Variants in FER1L5 observed in about 807,000 individuals in gnomAD.
The protein encoded by FER1L5 is fer-1 like family member 5, also known as fer-1-like protein 5.
Under a neutral mutation model 279.9 loss-of-function variants are expected in FER1L5, and 187 were observed. The ratio of observed to expected loss-of-function variants is 0.67; its 90% CI spans 0.59 to 0.75. The LOEUF is 0.75. Among genes scored for constraint, FER1L5 ranks in the 30% least tolerant of loss-of-function variants. FER1L5 has a pLI of 0.00. For synonymous variants in FER1L5, 921 were observed against 989.7 expected (o/e 0.93, Z 1.30); for missense variants, 2,091 against 2,594.4 (o/e 0.81, Z 4.21).
rs1363449576 is a variant in FER1L5, at chr2:96,691,507, C to T, written c.2970C>T (p.Leu990=). 2 of 1,550,270 alleles carry T rather than the reference C, an allele frequency of 1.3e-6. No homozygotes were observed. Among genetic ancestry groups the T allele is most frequent in the Non-Finnish European group, 1.7e-6 (2 of 1,146,542 alleles). Residue 990 remains leucine, a synonymous_variant, in exon 29 of 53, where the codon CTC becomes CTT. Transcript: ENST00000624922. The surrounding 1 kb of genome is among the most constrained non-coding windows in gnomAD (Gnocchi z 6.0). ...ACACCTTCGGCTCCAAGTTCCACCT[C>T]AACCCTCAGCCCCAGAGCCGGTTCC... ...EYDTFGSKFH[L]NPQPQSRFRR... is the part of the protein sequence containing the mutation.
intron 12 of FER1L5, 106 bp from the exon 13 acceptor site, chr2:96,662,109 C>T (rs2075976839): frequency 8.7e-7 from 1 of 1,155,318 alleles, no homozygotes; most frequent in Non-Finnish European, 1.3e-6. Context: ...CCAGGGGGCA[C>T]CCCTCTAAAT....
Position 96,695,571 on chromosome 2 carries a change from C to G in FER1L5, c.3804C>G (p.Phe1268Leu). The change falls in exon 35 of 53, where the codon TTC becomes TTG. Residue 1268 changes from phenylalanine to leucine, a missense_variant. Phe to Leu is a conservative substitution (Grantham distance 22). Coordinates refer to ENST00000624922, the MANE Select transcript of FER1L5 (RefSeq NM_001293083.2). ...GCTCCCCCCAGCTCCTGGTGGAATT[C>G]GGGGAAGAGTCCCTGAGGACAGAAC... ...KASSPQLLVE[F>L]GEESLRTEPI... is the part of the protein sequence containing the mutation. The G allele has an allele frequency of 6.3e-7, 1 of 1,594,064 alleles. No individual in the cohort carries two copies. The highest frequency in any genetic ancestry group is 8.5e-7 in the Non-Finnish European group (1 of 1,170,660).
chr2:96,652,122 T>C, intron 7 of FER1L5, 102 bp downstream of exon 7: 1 of 1,482,400 alleles, frequency 6.7e-7, no homozygotes, highest in South Asian at 1.2e-5. Flanking sequence ...TCTTCATGTG[T>C]TTGTTCCACA....
chr2:96,652,076 GT>G, intron 7 of FER1L5, 56 bp downstream of exon 7: 3 of 1,549,218 alleles, frequency 1.9e-6, no homozygotes, highest in Non-Finnish European at 2.6e-6. Flanking sequence ...GGCATCCCCG[GT>G]GGGCAGCCGG....
Position 96,668,905 on chromosome 2 carries a change from G to A in FER1L5, c.1204G>A (p.Asp402Asn). 1 of 1,551,670 alleles carries A rather than the reference G, an allele frequency of 6.4e-7. No homozygotes were observed. The highest frequency in any genetic ancestry group is 1.2e-5 in the South Asian group (1 of 84,064). The stretch of plus-strand genomic sequence containing the variant: ...CTCTAGCCGCAAGAAGGACTGCCCG[G>A]ATGAGATTGGGACTGCCAGCCTGTC... ...VLDCRKKDCP[D>N]EIGTASLSLN... Residue 402 changes from aspartate (D) to asparagine (N), a missense_variant, in exon 16 of 53, where the codon GAT (aspartate) becomes AAT (asparagine). By Grantham distance (23) the Asp-to-Asn change is conservative. Transcript: ENST00000624922.
At chr2:96,648,257 G>A (rs1475918476) in intron 4 of FER1L5, among the ~76,000 whole-genome samples, 1 of 152,224 alleles carries the variant, frequency 6.6e-6, no homozygotes, top group Non-Finnish European at 1.5e-5. Flanking sequence ...AGGAGGTCAT[G>A]GACAGATTTA....
rs551119699 is a variant in FER1L5, at chr2:96,695,841, G to A, written c.3994G>A (p.Asp1332Asn). The A allele has an allele frequency of 3.0e-5, 49 of 1,613,458 alleles. No individual in the cohort carries two copies. Among genetic ancestry groups the A allele is most frequent in the African/African-American group, 4.0e-5 (3 of 75,060 alleles). Residue 1332 changes from aspartate (D) to asparagine (N), a missense_variant, in exon 36 of 53, where the codon GAC (aspartate) becomes AAC (asparagine). Physicochemically the swap from Asp to Asn is conservative, Grantham distance 23. Transcript: ENST00000624922. ...QQTVTGQANIDFLQPYFCDPW... is the reference protein window; with the variant it reads ...QQTVTGQANINFLQPYFCDPW... ...GACCGTGACGGGCCAGGCCAACATC[G>A]ACTTCCTCCAGCCCTACTTCTGTGA... is the stretch of plus-strand genomic sequence containing the variant.
rs779850151 is a variant in FER1L5 at position 96,695,838 on chromosome 2, A to G, written c.3991A>G (p.Ile1331Val). Residue 1331 changes from isoleucine (I) to valine (V), a missense_variant, in exon 36 of 53, where the codon ATC (isoleucine) becomes GTC (valine). Coordinates refer to ENST00000624922, the MANE Select transcript of FER1L5 (RefSeq NM_001293083.2). Reference protein sequence around the residue: ...GQQTVTGQANIDFLQPYFCDP... With the variant: ...GQQTVTGQANVDFLQPYFCDP... ...GCAGACCGTGACGGGCCAGGCCAAC[A>G]TCGACTTCCTCCAGCCCTACTTCTG... 48 of 1,613,432 alleles carry G rather than the reference A, an allele frequency of 3.0e-5. No homozygotes were observed. The highest frequency in any genetic ancestry group is 4.0e-5 in the Non-Finnish European group (47 of 1,179,760).
At position 96,694,208 on chromosome 2, in the gene FER1L5, C is replaced by A. The variant is rs989509176; in HGVS notation, c.3636+136C>A. Reference sequence around the variant, plus strand: ...GGATCCCGAGCTGTGGGCTTGGTGACGCTGGCCTGACCAGCCTCTCCCCTA... The same window carrying A: ...GGATCCCGAGCTGTGGGCTTGGTGAAGCTGGCCTGACCAGCCTCTCCCCTA... On this transcript the variant is annotated intron_variant, in intron 33 of 52. Transcript: ENST00000624922. The surrounding 1 kb of genome is among the most constrained non-coding windows in gnomAD (Gnocchi z 4.6). The A allele has an allele frequency of 7.4e-7, 1 of 1,359,130 alleles. No individual in the cohort carries two copies. Among genetic ancestry groups the A allele is most frequent in the Middle Eastern group, 2.2e-4 (1 of 4,458 alleles). 84.2% of individuals were successfully genotyped at this position (1,359,130 alleles called of 1,614,324 possible).
At chr2:96,660,475 G>C in intron 10 of FER1L5, 104 bp downstream of exon 10, 2 of 953,934 alleles carry the variant, frequency 2.1e-6, no homozygotes, top group Non-Finnish European at 1.6e-6. Flanking sequence ...GTGGAGGGGA[G>C]TATTAGAGAT....
chr2:96,673,968 C>G (rs543179231), intron 19 of FER1L5, among the ~76,000 whole-genome samples: 1 of 152,180 alleles, frequency 6.6e-6, no homozygotes, highest in Non-Finnish European at 1.5e-5. Context: ...CCATTCTGAG[C>G]CTTTCTGGGC....
rs368157769 is a variant in FER1L5 at position 96,701,217 on chromosome 2, C to T, written c.5071-738C>T. ...CCCAGCTACTCAGGAGGCTTAGGCA[C>T]GAGAATCGCTTGAGCCTGAGAGGCA... On this transcript the variant is annotated intron_variant, in intron 45 of 52. Transcript: ENST00000624922. 1.3e-4 allele frequency among the ~76,000 whole-genome samples: 20 copies of T among 152,258 alleles called. No individual in the cohort carries two copies. The East Asian group carries it at 3.1e-3, about 24-fold the overall frequency.
intron 27 of FER1L5, 148 bp downstream of exon 27, chr2:96,690,737 G>C: frequency 1.5e-6 from 1 of 678,700 alleles, no homozygotes; most frequent in South Asian, 1.9e-5. Flanking sequence ...GGTCTCCAGC[G>C]TTTCCTTACA....
At chr2:96,658,877 T>C (rs1367405654) in intron 9 of FER1L5, among the ~76,000 whole-genome samples, 1 of 152,190 alleles carries the variant, frequency 6.6e-6, no homozygotes, top group Non-Finnish European at 1.5e-5. Context: ...TTTCTAACTA[T>C]TGATATATGA....
intron 13 of FER1L5, 53 bp downstream of exon 13, chr2:96,662,320 G>C: frequency 5.2e-6 from 8 of 1,525,450 alleles, no homozygotes; most frequent in Non-Finnish European, 7.1e-6. Flanking sequence ...AGAGAAAGTA[G>C]TTTGGAGAGG....
At position 96,667,599 on chromosome 2, in the gene FER1L5, G is replaced by A. The variant is rs1040970510; in HGVS notation, c.1141-1152G>A. The stretch of plus-strand genomic sequence containing the variant: ...TGACCTCAGGTGATCTGCCCGCCTC[G>A]GCCTCCCAAAGTGCTGGGATTACAG... On this transcript the variant is annotated intron_variant, in intron 14 of 52. Transcript: ENST00000624922. Among the ~76,000 whole-genome samples the A allele has an allele frequency of 1.8e-4, 28 of 151,844 alleles. 1 individual carries two copies. The highest frequency in any genetic ancestry group is 2.1e-4 in the South Asian group (1 of 4,812).
chr2:96,653,285 T>C (rs1558843855), intron 7 of FER1L5: 2 of 258,166 alleles, frequency 7.7e-6, no homozygotes, highest in Non-Finnish European at 7.4e-6. Context: ...AAGTTGAGTA[T>C]CCCTTACCCA....
At chr2:96,700,236 C>T in intron 44 of FER1L5, 96 bp from the exon 45 acceptor site, 2 of 1,579,120 alleles carry the variant, frequency 1.3e-6, no homozygotes, top group Non-Finnish European at 8.6e-7. Context: ...CCCCTTCACT[C>T]CTACCCAGGC....
chr2:96,649,997 A>T (rs1456289024), intron 5 of FER1L5, among the ~76,000 whole-genome samples, 183 bp from the exon 6 acceptor site: 5 of 152,234 alleles, frequency 3.3e-5, no homozygotes, highest in African/African-American at 1.2e-4. Flanking sequence ...AGGGATCCAT[A>T]GTTCCTGAGC....
Sources: allele counts gnomAD v4.1 joint callset (sites outside exome capture counted in the v4.1 genomes callset), GRCh38; gene constraint gnomAD v4.1.1; non-coding constraint Gnocchi (gnomAD v3.1); transcripts MANE v1.5; gene names NCBI Gene and HGNC (gene_info 2026-07-23, HGNC 2026-07-21).